Variants in P2RX7 observed in about 807,000 individuals in gnomAD.
P2RX7 encodes P2X purinoceptor 7.
Under a neutral mutation model 71.6 loss-of-function variants are expected in P2RX7, and 62 were observed. The observed-to-expected ratio is 0.87, with a 90% confidence interval of 0.71 to 1.07. P2RX7 has a LOEUF of 1.07. P2RX7 is among the 50% of genes least tolerant of loss of function. The pLI, the probability that P2RX7 is intolerant of heterozygous loss-of-function variation, is 0.00. For missense variants in P2RX7, 686 were observed against 748.5 expected (o/e 0.92, Z 0.97); for synonymous variants, 299 against 283.3 (o/e 1.06, Z -0.56).
At position 121,165,420 on chromosome 12, in the gene P2RX7, C is replaced by T. The variant is rs202146674; in HGVS notation, c.597C>T (p.Pro199=). Reference sequence around the variant, plus strand: ...TCATCAAGAACAATATCGACTTCCCCGGCCACAACTACACCACGTAAGTGC... The same window carrying T: ...TCATCAAGAACAATATCGACTTCCCTGGCCACAACTACACCACGTAAGTGC... ...TVLIKNNIDF[P]GHNYTTRNIL... Residue 199 remains proline (P), a synonymous_variant, in exon 6 of 13, where the codon CCC becomes CCT. Transcript: ENST00000328963. The T allele has an allele frequency of 2.0e-5, 32 of 1,613,732 alleles. No individual in the cohort carries two copies. The East Asian group carries it at 3.6e-4, about 18-fold the overall frequency.
rs28360455 is a variant in P2RX7, at chr12:121,167,460, T to C, written c.745-28T>C. The C allele has an allele frequency of 3.2e-3, 5,218 of 1,613,124 alleles. 8 individuals carry two copies. Among genetic ancestry groups the C allele is most frequent in the Non-Finnish European group, 4.0e-3 (4,775 of 1,179,614 alleles). ...TTGCGTAACTCACACCCAGCAGCCA[T>C]AGAGACTGTCCCTTGTTGATCCTTC... On this transcript the variant is annotated intron_variant, in intron 7 of 12. Coordinates refer to ENST00000328963, the MANE Select transcript of P2RX7 (RefSeq NM_002562.6).
At chr12:121,147,877 T>A (rs1876549931) in intron 1 of P2RX7, among the ~76,000 whole-genome samples, 2 of 151,862 alleles carry the variant, frequency 1.3e-5, no homozygotes, top group Non-Finnish European at 1.5e-5. Context: ...CCTCCCAGAG[T>A]TCTGGGATTA....
intron 6 of P2RX7, among the ~76,000 whole-genome samples, 178 bp from the exon 7 acceptor site, chr12:121,165,880 G>C (rs1357128474): frequency 6.6e-6 from 1 of 152,190 alleles, no homozygotes; most frequent in African/African-American, 2.4e-5. Flanking sequence ...ATATGCCATT[G>C]GTCACACAGA....
At chr12:121,163,858 T>C (rs1880430619) in intron 5 of P2RX7, among the ~76,000 whole-genome samples, 1 of 152,178 alleles carries the variant, frequency 6.6e-6, no homozygotes, top group Middle Eastern at 3.2e-3. Context: ...GATCATTCCC[T>C]CAGCATCGTG....
At chr12:121,161,608 A>G (rs897265707) in intron 4 of P2RX7, among the ~76,000 whole-genome samples, 3 of 151,950 alleles carry the variant, frequency 2.0e-5, no homozygotes, top group Non-Finnish European at 4.4e-5. Context: ...CCTGGAAAAC[A>G]TGGTGAAACC....
At chr12:121,161,789 T>TAAA (rs11443206) in intron 4 of P2RX7, among the ~76,000 whole-genome samples, 1 of 119,550 alleles carries the variant, frequency 8.4e-6, no homozygotes, top group African/African-American at 3.0e-5. Context: ...GAGACCCCTT[T>TAAA]AAAAAAAAAA....
chr12:121,180,169 C>T (rs927417440), intron 11 of P2RX7, among the ~76,000 whole-genome samples, 185 bp from the exon 12 acceptor site: 27 of 127,528 alleles, frequency 2.1e-4, no homozygotes, highest in African/African-American at 7.4e-4. Context: ...AAAAAAAAAG[C>T]ATGGGGTTCC....
At chr12:121,150,841 G>A (rs1434627465) in intron 1 of P2RX7, among the ~76,000 whole-genome samples, 1 of 151,956 alleles carries the variant, frequency 6.6e-6, no homozygotes, top group African/African-American at 2.4e-5. Flanking sequence ...CCTGGGAGGC[G>A]GAGGTTGCAG....
chr12:121,141,740 G>A (rs977051396), intron 1 of P2RX7, among the ~76,000 whole-genome samples: 1 of 152,160 alleles, frequency 6.6e-6, no homozygotes, highest in African/African-American at 2.4e-5. Flanking sequence ...TTCTTAGCAT[G>A]TGACATGTAT....
chr12:121,136,316 A>G (rs1032413158), intron 1 of P2RX7, among the ~76,000 whole-genome samples: 1 of 151,368 alleles, frequency 6.6e-6, no homozygotes. Flanking sequence ...CCAGCATACA[A>G]TCTTTTTATT....
intron 7 of P2RX7, among the ~76,000 whole-genome samples, chr12:121,167,199 T>TG (rs1360023264): frequency 6.6e-6 from 1 of 151,316 alleles, no homozygotes; most frequent in Non-Finnish European, 1.5e-5. Context: ...AATGGGGGCG[T>TG]GGGGGGCATT....
rs12831943 is a variant in P2RX7, at chr12:121,140,816, G to A, written c.125+7721G>A. On this transcript the variant is annotated intron_variant, in intron 1 of 12. Transcript: ENST00000328963. Reference sequence around the variant, plus strand: ...AATAATAAATAAAGGGCCAGGCGTGGTGGCTCAACGCCTGTAATCCCAACA... The same window carrying A: ...AATAATAAATAAAGGGCCAGGCGTGATGGCTCAACGCCTGTAATCCCAACA... Among the ~76,000 whole-genome samples the A allele has an allele frequency of 7.9e-3, 1,198 of 152,296 alleles. 8 individuals are homozygous for A. The highest frequency in any genetic ancestry group is 0.012 in the Non-Finnish European group (806 of 68,006).
At chr12:121,159,054 T>G (rs959146662) in intron 3 of P2RX7, among the ~76,000 whole-genome samples, 12 of 152,308 alleles carry the variant, frequency 7.9e-5, no homozygotes, top group African/African-American at 2.6e-4. Context: ...ACAAGAAACA[T>G]TCATTGAGCA....
intron 8 of P2RX7, among the ~76,000 whole-genome samples, chr12:121,174,043 CTTTTCT>C (rs1399659632): frequency 9.1e-5 from 11 of 121,280 alleles, no homozygotes; most frequent in South Asian, 2.7e-4. Flanking sequence ...TTTTTCTTTT[CTTTTCT>C]TTTTTTTTTT....
chr12:121,163,659 T>C (rs1880386545), intron 5 of P2RX7, among the ~76,000 whole-genome samples: 1 of 151,716 alleles, frequency 6.6e-6, no homozygotes, highest in South Asian at 2.1e-4. Context: ...AGTTTTGCTA[T>C]GTTGCCCAGG....
At position 121,184,312 on chromosome 12, in the gene P2RX7, C is replaced by T. The variant is rs28360459; in HGVS notation, c.1298C>T (p.Ala433Val). 5.9e-3 allele frequency: 9,407 copies of T among 1,601,540 alleles called. 485 individuals are homozygous for T. In the African/African-American group the frequency reaches 0.11, roughly 19 times the overall value. ...GGAAACTTGCTTTTTCAGAGACCTG[C>T]GATGGACTTCACAGATTTGTCCAGG... ...DVKGQEVPRP[A>V]MDFTDLSRLP... The change falls in exon 13 of 13, where the codon GCG becomes GTG. Residue 433 changes from alanine to valine, a missense_variant. By Grantham distance (64) the Ala-to-Val change is moderately conservative (BLOSUM62 0). Coordinates refer to ENST00000328963, the MANE Select transcript of P2RX7 (RefSeq NM_002562.6).
At chr12:121,133,972 C>T (rs576082454) in intron 1 of P2RX7, among the ~76,000 whole-genome samples, 17 of 152,262 alleles carry the variant, frequency 1.1e-4, no homozygotes, top group Middle Eastern at 6.8e-3. Flanking sequence ...GATCTGCCTG[C>T]CTCGGCCTCC....
intron 11 of P2RX7, 69 bp from the exon 12 acceptor site, chr12:121,180,285 G>A: frequency 1.3e-6 from 1 of 791,408 alleles, no homozygotes; most frequent in Non-Finnish European, 2.0e-6. Flanking sequence ...AATTACAGTT[G>A]CCTTTAGATA....
chr12:121,166,563 T>C lies in P2RX7; in HGVS notation c.744+376T>C, dbSNP rs554295461. 2.6e-5 allele frequency among the ~76,000 whole-genome samples: 4 copies of C among 152,316 alleles called. No homozygotes were observed. In the South Asian group the frequency reaches 8.3e-4, roughly 32 times the overall value. On this transcript the variant is annotated intron_variant, in intron 7 of 12. Transcript: ENST00000328963. Reference sequence around the variant, plus strand: ...AATCCAGTTCCTCAGCTTTTCCACCTTCTGGAGCTGCATTCCTTGCATTTC... The same window carrying C: ...AATCCAGTTCCTCAGCTTTTCCACCCTCTGGAGCTGCATTCCTTGCATTTC...
Sources: allele counts gnomAD v4.1 joint callset (sites outside exome capture counted in the v4.1 genomes callset), GRCh38; gene constraint gnomAD v4.1.1; transcripts MANE v1.5; gene names NCBI Gene and HGNC (gene_info 2026-07-23, HGNC 2026-07-21).